NEK1: variants seen among roughly 807,000 people sequenced by gnomAD.
The protein encoded by NEK1 is NIMA related kinase 1.
A neutral mutation model predicts 182.1 loss-of-function variants in NEK1; 137 were observed. That is an observed-to-expected ratio of 0.75 (90% confidence interval 0.65 to 0.87). The LOEUF is 0.87. Ranked by LOEUF, NEK1 falls within the 40% of genes least tolerant of loss-of-function variation. The pLI is 0.00. For synonymous variants in NEK1, 513 were observed against 492.2 expected (o/e 1.04, Z -0.56); for missense variants, 1,391 against 1,494.4 (o/e 0.93, Z 1.14).
chr4:169,508,129 C>T (rs767592178), intron 21 of NEK1, 119 bp downstream of exon 21: 60 of 837,266 alleles, frequency 7.2e-5, no homozygotes, highest in Non-Finnish European at 1.0e-4. Context: ...GATCTTTGAA[C>T]TTCCACTGTC....
chr4:169,561,925 T>C (rs936363317), intron 13 of NEK1, 34 bp from the exon 14 acceptor site: 7 of 1,553,132 alleles, frequency 4.5e-6, no homozygotes, highest in Non-Finnish European at 6.1e-6. Flanking sequence ...TAATCCATAA[T>C]AATTCCTGTT....
At chr4:169,500,853 T>C (rs1752301837) in intron 23 of NEK1, among the ~76,000 whole-genome samples, 1 of 152,116 alleles carries the variant, frequency 6.6e-6, no homozygotes, top group African/African-American at 2.4e-5. Flanking sequence ...AACTATACAA[T>C]TGAGACTACA....
At chr4:169,595,422 T>C (rs9312452) in intron 5 of NEK1, among the ~76,000 whole-genome samples, 43,065 of 152,062 alleles carry the variant, frequency 0.28, 8,686 homozygotes, top group African/African-American at 0.58. Context: ...TCTTAATAAT[T>C]TACTCAGAAT....
rs1241157169 is a variant in NEK1, at chr4:169,406,596, A to C, written c.3374T>G (p.Ile1125Ser). Residue 1125 changes from isoleucine to serine, a missense_variant and splice_region_variant, in exon 32 of 36, where the codon ATT (isoleucine) becomes AGT (serine). Transcript: ENST00000507142. ...IKEGPSDSED[I>S]VFEETDTDLQ... The stretch of plus-strand genomic sequence containing the variant: ...TGTTTACTAATGACATTATACTTAC[A>C]TGTCTTCAGAATCAGAAGGTCCTTC... 6.3e-7 allele frequency: 1 copy of C among 1,591,054 alleles called. No individual in the cohort carries two copies. Among genetic ancestry groups the C allele is most frequent in the East Asian group, 2.2e-5 (1 of 44,494 alleles).
chr4:169,427,369 G>A (rs1234764212), intron 29 of NEK1, among the ~76,000 whole-genome samples: 1 of 151,928 alleles, frequency 6.6e-6, no homozygotes, highest in Non-Finnish European at 1.5e-5. Flanking sequence ...CTTGAGATCC[G>A]CCCGCCTCGG....
chr4:169,537,684 T>G, intron 19 of NEK1, 125 bp downstream of exon 19: 1 of 748,188 alleles, frequency 1.3e-6, no homozygotes. Context: ...TCTGAGTATC[T>G]TTACTGCCTC....
At chr4:169,537,778 T>C in intron 19 of NEK1, 31 bp downstream of exon 19, 1 of 1,530,522 alleles carries the variant, frequency 6.5e-7, no homozygotes. Context: ...ACTAATACAT[T>C]CAAAATCTCA....
chr4:169,530,015 C>T (rs766749225), intron 19 of NEK1, among the ~76,000 whole-genome samples: 10 of 152,220 alleles, frequency 6.6e-5, no homozygotes, highest in Non-Finnish European at 1.3e-4. Context: ...TGTACACTTA[C>T]AATATGACCC....
rs369918838 is a variant in NEK1, at chr4:169,426,224, T to C, written c.2896A>G (p.Arg966Gly). The change falls in exon 30 of 36, where the codon AGG becomes GGG. Residue 966 changes from arginine to glycine, a missense_variant. Coordinates refer to ENST00000507142, the MANE Select transcript of NEK1 (RefSeq NM_001199397.3). ...KETKETQSAD[R>G]ITIQENEVSE... ...ACTTCATTTTCCTGAATGGTGATCC[T>C]ATCTGCCGACCTGCCACAGATGGGT... The C allele has an allele frequency of 1.1e-5, 17 of 1,613,028 alleles. No individual in the cohort carries two copies. In the African/African-American group the frequency reaches 2.0e-4, roughly 19 times the overall value.
At chr4:169,567,341 T>G (rs1048671363) in intron 12 of NEK1, among the ~76,000 whole-genome samples, 6 of 152,180 alleles carry the variant, frequency 3.9e-5, no homozygotes, top group Non-Finnish European at 4.4e-5. Flanking sequence ...AAGTGTGCAG[T>G]TCTGTGGCAT....
chr4:169,434,966 C>G (rs962147525), intron 28 of NEK1, among the ~76,000 whole-genome samples: 4 of 152,152 alleles, frequency 2.6e-5, no homozygotes, highest in Non-Finnish European at 4.4e-5. Context: ...AATATTTATT[C>G]TCTGGTCTAT....
At chr4:169,395,527 A>T (rs995756929) in intron 35 of NEK1, among the ~76,000 whole-genome samples, 1 of 152,208 alleles carries the variant, frequency 6.6e-6, no homozygotes. Flanking sequence ...CCCTAGGAAG[A>T]CCTATCCTGT....
intron 35 of NEK1, among the ~76,000 whole-genome samples, chr4:169,399,212 T>A (rs1410413089): frequency 6.6e-6 from 1 of 151,876 alleles, no homozygotes; most frequent in East Asian, 1.9e-4. Context: ...GCCACTGCAC[T>A]CTAGCCTGGA....
At chr4:169,443,380 G>A (rs1739899773) in intron 27 of NEK1, among the ~76,000 whole-genome samples, 2 of 83,266 alleles carry the variant, frequency 2.4e-5, no homozygotes, top group South Asian at 3.7e-4. Flanking sequence ...AAAATTCAAT[G>A]AATTAAATAA....
At position 169,438,159 on chromosome 4, in the gene NEK1, A is replaced by G; in HGVS notation, c.2688T>C (p.Ser896=). The G allele has an allele frequency of 6.2e-7, 1 of 1,609,706 alleles. No homozygotes were observed. Among genetic ancestry groups the G allele is most frequent in the Non-Finnish European group, 8.5e-7 (1 of 1,177,708 alleles). The change falls in exon 28 of 36, where the codon TCT becomes TCC. Residue 896 remains serine (S), a synonymous_variant. Coordinates refer to ENST00000507142, the MANE Select transcript of NEK1 (RefSeq NM_001199397.3). The stretch of plus-strand genomic sequence containing the variant: ...ACTCGGGACTTTTTGTCTCAACAGG[A>G]GAATCAACAATAGCTGATGGGTTTA... ...HEINPSAIVD[S]PVETKSPEFS... is the part of the protein sequence containing the mutation.
intron 28 of NEK1, among the ~76,000 whole-genome samples, chr4:169,435,513 T>C (rs1406002924): frequency 3.3e-5 from 5 of 152,210 alleles, no homozygotes; most frequent in African/African-American, 1.2e-4. Context: ...CTGGTTTTCC[T>C]CTCAACTAGA....
intron 12 of NEK1, among the ~76,000 whole-genome samples, chr4:169,572,384 C>T (rs1206896145): frequency 1.3e-5 from 2 of 152,100 alleles, no homozygotes; most frequent in African/African-American, 2.4e-5. Flanking sequence ...TTCCCATTTA[C>T]TGAAATAAGT....
At chr4:169,442,249 G>A (rs1305444064) in intron 27 of NEK1, among the ~76,000 whole-genome samples, 3 of 152,164 alleles carry the variant, frequency 2.0e-5, no homozygotes, top group Non-Finnish European at 4.4e-5. Flanking sequence ...TGGCTCAACT[G>A]GCTCCCTGTC....
chr4:169,424,405 T>C (rs999495674), intron 31 of NEK1, 148 bp downstream of exon 31: 17 of 948,860 alleles, frequency 1.8e-5, no homozygotes, highest in Non-Finnish European at 2.5e-5. Context: ...TCAATTGCAA[T>C]TTATTTGCTC....
Sources: allele counts gnomAD v4.1 joint callset (sites outside exome capture counted in the v4.1 genomes callset), GRCh38; gene constraint gnomAD v4.1.1; transcripts MANE v1.5; gene names NCBI Gene and HGNC (gene_info 2026-07-23, HGNC 2026-07-21).